The following NRP1 variants were observed in gnomAD, a reference collection of about 807,000 sequenced individuals.
NRP1 encodes the protein neuropilin-1.
NRP1 carries 35 observed loss-of-function variants against 106.7 expected under a neutral mutation model. The ratio of observed to expected loss-of-function variants is 0.33; its 90% confidence interval spans 0.25 to 0.43. The LOEUF is 0.43. NRP1 is among the 20% of genes least tolerant of loss of function. NRP1 has a pLI of 1.00. For synonymous variants in NRP1, 437 were observed against 417.9 expected (o/e 1.05, Z -0.56); for missense variants, 1,024 against 1,170.4 (o/e 0.87, Z 1.83).
intron 13 of NRP1, among the ~76,000 whole-genome samples, chr10:33,186,700 A>G (rs957403233): frequency 2.0e-5 from 3 of 152,130 alleles, no homozygotes; most frequent in Non-Finnish European, 4.4e-5. Context: ...TGATTAGGGG[A>G]AGGCTGAGTG....
chr10:33,246,581 T>TAAACACACACAC (rs1428012968), intron 6 of NRP1, among the ~76,000 whole-genome samples: 29 of 76,620 alleles, frequency 3.8e-4, no homozygotes, highest in Admixed American at 2.7e-4. Context: ...TTAGTTGCAA[T>TAAACACACACAC]AAACACACAC....
In NRP1 at chr10:33,314,314, C is replaced by T. The variant is rs184106486; in HGVS notation, c.248+16394G>A. Reference sequence around the variant, plus strand: ...GGCTGTTCTCAAACTCCTGGCCTCACGCCATCCTCCCATCTTGGTCTCCCA... The same window carrying T: ...GGCTGTTCTCAAACTCCTGGCCTCATGCCATCCTCCCATCTTGGTCTCCCA... On this transcript the variant is annotated intron_variant, in intron 2 of 16. Transcript: ENST00000374867. Among the ~76,000 whole-genome samples, 1,107 of 152,248 alleles carry T rather than the reference C, an allele frequency of 7.3e-3. 11 individuals carry two copies. The highest frequency in any genetic ancestry group is 0.025 in the African/African-American group (1,019 of 41,546).
chr10:33,280,674 G>GT (rs1223730424), intron 2 of NRP1, among the ~76,000 whole-genome samples: 2 of 152,130 alleles, frequency 1.3e-5, no homozygotes, highest in East Asian at 3.9e-4. Flanking sequence ...TACTTTGAAG[G>GT]TTTTTTCCCT....
At chr10:33,295,070 T>C (rs945353251) in intron 2 of NRP1, among the ~76,000 whole-genome samples, 4 of 152,194 alleles carry the variant, frequency 2.6e-5, no homozygotes, top group African/African-American at 9.7e-5. Context: ...AAATGGCAGT[T>C]ATACCCATTG....
chr10:33,298,651 A>G (rs1031673115), intron 2 of NRP1, among the ~76,000 whole-genome samples: 1 of 152,218 alleles, frequency 6.6e-6, no homozygotes, highest in Non-Finnish European at 1.5e-5. Context: ...CATCAGAGGC[A>G]GCTGCCTCTA....
intron 2 of NRP1, among the ~76,000 whole-genome samples, chr10:33,285,264 G>A (rs893705618): frequency 2.6e-5 from 4 of 152,128 alleles, no homozygotes; most frequent in African/African-American, 7.2e-5. Flanking sequence ...TAAGGTGACC[G>A]CCATGAATAG....
At chr10:33,226,380 T>G in intron 6 of NRP1, 91 bp from the exon 7 acceptor site, 1 of 1,423,808 alleles carries the variant, frequency 7.0e-7, no homozygotes, top group African/African-American at 1.4e-5. Flanking sequence ...GTTGTGGTTT[T>G]CATCCACCTG....
intron 6 of NRP1, among the ~76,000 whole-genome samples, chr10:33,245,219 A>G (rs549241463): frequency 6.6e-6 from 1 of 152,356 alleles, no homozygotes; most frequent in East Asian, 1.9e-4. Context: ...AATGAATTTT[A>G]GGATCTTTTA....
intron 2 of NRP1, among the ~76,000 whole-genome samples, chr10:33,273,408 T>C (rs1037262229): frequency 2.0e-5 from 3 of 152,186 alleles, no homozygotes; most frequent in Admixed American, 6.5e-5. Flanking sequence ...ACTCGTTAAG[T>C]TTCGCACTGG....
Position 33,213,691 on chromosome 10 carries a change from T to C in NRP1, c.1309A>G (p.Met437Val), listed in dbSNP as rs772795504. The change falls in exon 9 of 17, where the codon ATG becomes GTG. Residue 437 changes from methionine to valine, a missense_variant. Met to Val is a conservative substitution (Grantham distance 21, BLOSUM62 1). Transcript: ENST00000374867. Reference protein sequence around the residue: ...TDYPCSGMLGMVSGLISDSQI... With the variant: ...TDYPCSGMLGVVSGLISDSQI... Reference sequence around the variant, plus strand: ...GAGTCAGAAATAAGTCCAGACACCATACCCAACATTCCAGAGCAAGGATAA... The same window carrying C: ...GAGTCAGAAATAAGTCCAGACACCACACCCAACATTCCAGAGCAAGGATAA... The C allele has an allele frequency of 6.2e-7, 1 of 1,604,274 alleles. No individual in the cohort carries two copies. Among genetic ancestry groups the C allele is most frequent in the Non-Finnish European group, 8.5e-7 (1 of 1,174,516 alleles).
chr10:33,313,359 G>C (rs1033432945), intron 2 of NRP1, among the ~76,000 whole-genome samples: 1 of 151,994 alleles, frequency 6.6e-6, no homozygotes, highest in African/African-American at 2.4e-5. Context: ...AAGTAGGGAG[G>C]GTCTTGCAAA....
intron 6 of NRP1, among the ~76,000 whole-genome samples, chr10:33,234,768 G>C (rs543680021): frequency 7.2e-5 from 11 of 152,306 alleles, no homozygotes; most frequent in Admixed American, 1.3e-4. Flanking sequence ...AATTAAAGGA[G>C]AGCATTTTCC....
At chr10:33,220,869 C>T (rs1275690690) in intron 8 of NRP1, among the ~76,000 whole-genome samples, 3 of 141,242 alleles carry the variant, frequency 2.1e-5, no homozygotes, top group African/African-American at 5.3e-5. Context: ...TCACTGCACT[C>T]CAACCTGGGT....
intron 2 of NRP1, among the ~76,000 whole-genome samples, chr10:33,309,294 G>T (rs1846398552): frequency 6.6e-6 from 1 of 152,180 alleles, no homozygotes; most frequent in Non-Finnish European, 1.5e-5. Flanking sequence ...CTGTGAGAGG[G>T]CTACATAAGT....
chr10:33,179,549 A>G lies in NRP1; in HGVS notation c.*527T>C, dbSNP rs767645144. 27 of 157,822 alleles carry G rather than the reference A, an allele frequency of 1.7e-4. No individual in the cohort carries two copies. Among genetic ancestry groups the G allele is most frequent in the Non-Finnish European group, 2.7e-4 (19 of 71,304 alleles). The allele number at this position is 157,822 out of a possible 1,614,324, so 9.8% of individuals were successfully genotyped here. ...ACTACACCAGTACTGAGGCTACAGT[A>G]CTTTAAAAAGAAAACAGCCTAATCC... On this transcript the variant is annotated 3_prime_UTR_variant, in exon 17 of 17. Coordinates refer to ENST00000374867, the MANE Select transcript of NRP1 (RefSeq NM_003873.7).
intron 2 of NRP1, among the ~76,000 whole-genome samples, chr10:33,304,374 C>T (rs1013365714): frequency 6.6e-6 from 1 of 152,250 alleles, no homozygotes; most frequent in Non-Finnish European, 1.5e-5. Context: ...AAGGAAACCT[C>T]GGAGAGTTTT....
At chr10:33,246,454 G>A (rs1204646736) in intron 6 of NRP1, among the ~76,000 whole-genome samples, 1 of 152,130 alleles carries the variant, frequency 6.6e-6, no homozygotes, top group Non-Finnish European at 1.5e-5. Context: ...TTTTATGGAG[G>A]AAATAGAAGT....
intron 15 of NRP1, among the ~76,000 whole-genome samples, chr10:33,183,444 G>A (rs1680174945): frequency 6.6e-6 from 1 of 152,128 alleles, no homozygotes; most frequent in South Asian, 2.1e-4. Context: ...CGTACATATG[G>A]TGACCATCCT....
In NRP1 at chr10:33,224,651, T is replaced by C. The variant is rs191501815; in HGVS notation, c.1137+1483A>G. ...GTGCCAAGGTGGTTTACTGCACAGA[T>C]CATCCCATCACCTTGGTATTAAGCC... On this transcript the variant is annotated intron_variant, in intron 7 of 16. Coordinates refer to ENST00000374867, the MANE Select transcript of NRP1 (RefSeq NM_003873.7). 1.2e-4 allele frequency among the ~76,000 whole-genome samples: 18 copies of C among 151,960 alleles called. No homozygotes were observed. In the East Asian group the frequency reaches 3.5e-3, roughly 29 times the overall value.
Sources: gnomAD v4.1 joint callset for allele counts (sites outside exome capture counted in the v4.1 genomes callset) on GRCh38, gnomAD v4.1.1 for gene constraint, MANE v1.5 for transcripts, NCBI Gene and HGNC (gene_info 2026-07-23, HGNC 2026-07-21) for gene names.